PDZD2: variants seen among roughly 807,000 people sequenced by gnomAD.
The protein encoded by PDZD2 is PDZ domain-containing protein 2.
A neutral mutation model predicts 220.7 loss-of-function variants in PDZD2; 90 were observed. The observed-to-expected ratio is 0.41, with a 90% CI of 0.34 to 0.49. The LOEUF (loss-of-function observed/expected upper bound fraction) is 0.49, where lower values mean the gene tolerates loss of function less well. PDZD2 is among the 20% of genes least tolerant of loss of function. The pLI is 0.28. For missense variants in PDZD2, 3,174 were observed against 3,608.5 expected, an observed-to-expected ratio of 0.88 and a Z score of 3.08; for synonymous variants, 1,375 against 1,450.5, an observed-to-expected ratio of 0.95 and a Z score of 1.18.
intron 2 of PDZD2, among the ~76,000 whole-genome samples, chr5:31,844,374 T>C (rs959617322): frequency 7.2e-5 from 11 of 152,222 alleles, no homozygotes; most frequent in African/African-American, 2.7e-4. Flanking sequence ...TGGAAGCAGA[T>C]GTCCATCAGA....
At chr5:31,764,887 G>A (rs1461267206) in intron 1 of PDZD2, among the ~76,000 whole-genome samples, 1 of 152,116 alleles carries the variant, frequency 6.6e-6, no homozygotes, top group Admixed American at 6.6e-5. Context: ...GACCGGCCTG[G>A]CCAACACGGA....
chr5:31,669,329 G>A (rs1348879348), intron 1 of PDZD2, among the ~76,000 whole-genome samples: 1 of 150,356 alleles, frequency 6.7e-6, no homozygotes, highest in Admixed American at 6.7e-5. Flanking sequence ...TGGAGCCCAG[G>A]AGTTTGAGGC....
chr5:31,776,414 G>A (rs188249581), intron 1 of PDZD2, among the ~76,000 whole-genome samples: 51 of 151,704 alleles, frequency 3.4e-4, no homozygotes, highest in South Asian at 4.2e-4. Flanking sequence ...ACATCCTTTC[G>A]GGTCCCTACC....
intron 1 of PDZD2, among the ~76,000 whole-genome samples, chr5:31,691,274 G>A (rs576231967): frequency 6.6e-6 from 1 of 151,758 alleles, no homozygotes; most frequent in South Asian, 2.1e-4. Flanking sequence ...CGGTGGGCTC[G>A]TGGTCTCGCT....
At chr5:31,862,880 C>T (rs1236550595) in intron 2 of PDZD2, among the ~76,000 whole-genome samples, 2 of 152,130 alleles carry the variant, frequency 1.3e-5, no homozygotes, top group African/African-American at 2.4e-5. Flanking sequence ...GCACGCGCCG[C>T]TACGCCCAGC....
intron 5 of PDZD2, among the ~76,000 whole-genome samples, chr5:32,002,606 CACACACACCA>C (rs1195669678): frequency 2.3e-5 from 3 of 128,610 alleles, no homozygotes; most frequent in East Asian, 2.1e-4. Context: ...ACACACACCA[CACACACACCA>C]ACACACACCA....
chr5:31,805,166 C>G (rs1406731077), intron 2 of PDZD2, among the ~76,000 whole-genome samples: 2 of 152,126 alleles, frequency 1.3e-5, no homozygotes, highest in East Asian at 3.9e-4. Flanking sequence ...CCATTGCACT[C>G]CAGCCTGGGC....
intron 2 of PDZD2, among the ~76,000 whole-genome samples, chr5:31,955,683 CTTTTTTTT>C (rs34964306): frequency 8.6e-6 from 1 of 116,882 alleles, no homozygotes; most frequent in Non-Finnish European, 1.8e-5. Flanking sequence ...GGGCTCTGTT[CTTTTTTTT>C]TTTTTTTTTT....
At chr5:31,845,380 A>C (rs531039436) in intron 2 of PDZD2, among the ~76,000 whole-genome samples, 1 of 152,242 alleles carries the variant, frequency 6.6e-6, no homozygotes, top group Non-Finnish European at 1.5e-5. Context: ...ACGTCTCCAC[A>C]CTGCCATATA....
At chr5:32,075,781 G>A (rs1315627883) in intron 18 of PDZD2, among the ~76,000 whole-genome samples, 1 of 152,112 alleles carries the variant, frequency 6.6e-6, no homozygotes, top group Non-Finnish European at 1.5e-5. Flanking sequence ...ATAGATGTGT[G>A]TTCAAGTGGT....
At chr5:32,072,070 G>T in intron 16 of PDZD2, 91 bp from the exon 17 acceptor site, 1 of 883,998 alleles carries the variant, frequency 1.1e-6, no homozygotes, top group South Asian at 1.6e-5. Context: ...TGATTAGAAC[G>T]AAGTGTTCTT....
At chr5:31,906,820 G>A (rs1742699554) in intron 2 of PDZD2, among the ~76,000 whole-genome samples, 1 of 151,900 alleles carries the variant, frequency 6.6e-6, no homozygotes, top group Non-Finnish European at 1.5e-5. Flanking sequence ...TCCAGCCTGG[G>A]CAACAGAGCA....
intron 1 of PDZD2, among the ~76,000 whole-genome samples, chr5:31,641,990 G>A (rs1207899707): frequency 2.6e-5 from 4 of 152,158 alleles, no homozygotes; most frequent in Admixed American, 1.3e-4. Context: ...GTAGGGTGTT[G>A]TGGAAACCCT....
intron 1 of PDZD2, among the ~76,000 whole-genome samples, chr5:31,680,854 C>G (rs1468854306): frequency 6.6e-6 from 1 of 152,144 alleles, no homozygotes; most frequent in Non-Finnish European, 1.5e-5. Flanking sequence ...GCAGCTTTTT[C>G]CCTGCAGCTC....
At chr5:31,834,497 AG>A (rs1756824975) in intron 2 of PDZD2, among the ~76,000 whole-genome samples, 1 of 152,332 alleles carries the variant, frequency 6.6e-6, no homozygotes, top group East Asian at 1.9e-4. Flanking sequence ...CAGAAATAGA[AG>A]ATAGAGAAAA....
intron 1 of PDZD2, among the ~76,000 whole-genome samples, chr5:31,745,568 G>A (rs547336563): frequency 1.6e-4 from 24 of 152,186 alleles, no homozygotes; most frequent in Middle Eastern, 6.8e-3. Context: ...ATGCTTTCAC[G>A]CTCCCTCTCA....
At chr5:31,740,885 C>A (rs1432317748) in intron 1 of PDZD2, among the ~76,000 whole-genome samples, 1 of 152,196 alleles carries the variant, frequency 6.6e-6, no homozygotes, top group Non-Finnish European at 1.5e-5. Flanking sequence ...TTTTGTAAAG[C>A]ATCAATGATT....
chr5:31,778,101 A>G (rs1056708988), intron 1 of PDZD2, among the ~76,000 whole-genome samples: 3 of 152,114 alleles, frequency 2.0e-5, no homozygotes, highest in Admixed American at 6.5e-5. Flanking sequence ...GTGTCTAGCT[A>G]ATCTAGTGGG....
In PDZD2 at chr5:32,087,339, G is replaced by A. The variant is rs762003118; in HGVS notation, c.3891G>A (p.Ala1297=). 1.9e-5 allele frequency: 30 copies of A among 1,613,938 alleles called. No individual in the cohort carries two copies. Among genetic ancestry groups the A allele is most frequent in the Non-Finnish European group, 2.3e-5 (27 of 1,179,970 alleles). Residue 1297 remains alanine, a synonymous_variant, in exon 20 of 25, where the codon GCG becomes GCA. Transcript: ENST00000438447. This position sits in a 1 kb window ranked among gnomAD's most constrained non-coding sequence, Gnocchi z 4.0. ...EGSPSPGEKA[A]APPDYSKTRS... ...GCCCCTCCCCGGGGGAGAAAGCAGC[G>A]GCTCCCCCTGACTACAGCAAGACTC...
Sources: gnomAD v4.1 joint callset for allele counts (sites outside exome capture counted in the v4.1 genomes callset) on GRCh38, gnomAD v4.1.1 for gene constraint, Gnocchi (gnomAD v3.1) non-coding constraint, MANE v1.5 for transcripts, NCBI Gene and HGNC (gene_info 2026-07-23, HGNC 2026-07-21) for gene names.